Variants in ANO6 observed in about 807,000 individuals in gnomAD.
The protein encoded by ANO6 is anoctamin-6.
ANO6 carries 106 observed loss-of-function variants against 117.5 expected under a neutral mutation model. The observed-to-expected ratio is 0.90, with a 90% CI of 0.77 to 1.06. The LOEUF (loss-of-function observed/expected upper bound fraction) is 1.06, where lower values mean the gene tolerates loss of function less well. ANO6 is among the 50% of genes least tolerant of loss of function. The pLI, the probability that ANO6 is intolerant of heterozygous loss-of-function variation, is 0.00. For missense variants in ANO6, 955 were observed against 1,121.1 expected (o/e 0.85, Z 2.12); for synonymous variants, 367 against 385.1 (o/e 0.95, Z 0.55).
intron 9 of ANO6, among the ~76,000 whole-genome samples, chr12:45,374,958 T>C (rs1204934287): frequency 1.3e-5 from 2 of 151,574 alleles, no homozygotes; most frequent in African/African-American, 2.4e-5. Context: ...GAAAACCCCA[T>C]TGTCTCAGCC....
intron 1 of ANO6, among the ~76,000 whole-genome samples, chr12:45,258,466 A>T (rs1260000925): frequency 6.6e-6 from 1 of 151,906 alleles, no homozygotes; most frequent in Non-Finnish European, 1.5e-5. Context: ...TCTTTCAGTG[A>T]TTTTCACCTC....
At chr12:45,359,543 A>G (rs1363377687) in intron 8 of ANO6, among the ~76,000 whole-genome samples, 3 of 152,218 alleles carry the variant, frequency 2.0e-5, no homozygotes, top group East Asian at 3.8e-4. Context: ...GGAACTATAC[A>G]TTATAAAGCC....
In ANO6 at chr12:45,357,328, G is replaced by T; in HGVS notation, c.902G>T (p.Trp301Leu). 6.2e-7 allele frequency: 1 copy of T among 1,613,982 alleles called. No individual in the cohort carries two copies. The change falls in exon 8 of 20, where the codon TGG (tryptophan) becomes TTG (leucine). Residue 301 changes from tryptophan to leucine, a missense_variant. Transcript: ENST00000320560. ...YGEKIGIYFA[W>L]LGYYTQMLLL... ...GAGAAGATTGGAATCTACTTTGCTT[G>T]GCTGGGCTATTACACTCAGATGCTT...
At chr12:45,325,095 C>G (rs1199139497) in intron 2 of ANO6, among the ~76,000 whole-genome samples, 1 of 152,154 alleles carries the variant, frequency 6.6e-6, no homozygotes, top group East Asian at 1.9e-4. Flanking sequence ...GTTACGAAGT[C>G]AAGCTACATT....
Position 45,432,227 on chromosome 12 carries a change from T to C in ANO6, c.*2916T>C. On this transcript the variant is annotated 3_prime_UTR_variant, in exon 20 of 20. Coordinates refer to ENST00000320560, the MANE Select transcript of ANO6 (RefSeq NM_001025356.3). ...CACATTGTGGCATAAGATGTAAAGT[T>C]TGTAATTAATGTTAATTTCTGTGCA... 2 of 982,656 alleles carry C rather than the reference T, an allele frequency of 2.0e-6. No individual in the cohort carries two copies. The highest frequency in any genetic ancestry group is 2.4e-6 in the Non-Finnish European group (2 of 827,578). 60.9% of individuals were successfully genotyped at this position (982,656 alleles called of 1,614,324 possible). A position where few individuals can be genotyped will look rare whatever the true frequency, so the allele number is the denominator to read the frequency against.
intron 10 of ANO6, among the ~76,000 whole-genome samples, chr12:45,381,179 T>C (rs1942159186): frequency 6.6e-6 from 1 of 152,218 alleles, no homozygotes; most frequent in African/African-American, 2.4e-5. Flanking sequence ...CTGAAACCTT[T>C]TTATGTATAT....
At chr12:45,435,492 T>G (rs535734536), downstream of ANO6, among the ~76,000 whole-genome samples, 7 of 152,290 alleles carry the variant, frequency 4.6e-5, no homozygotes, top group African/African-American at 1.7e-4. Context: ...AAGCCACATC[T>G]TTGTCATCTG....
At chr12:45,375,189 T>A (rs954649902) in intron 9 of ANO6, among the ~76,000 whole-genome samples, 5 of 152,068 alleles carry the variant, frequency 3.3e-5, no homozygotes, top group Admixed American at 3.3e-4. Context: ...AAACCACTGC[T>A]CAAGGAAATA....
At chr12:45,254,973 A>G (rs962941562) in intron 1 of ANO6, among the ~76,000 whole-genome samples, 3 of 152,206 alleles carry the variant, frequency 2.0e-5, no homozygotes, top group Non-Finnish European at 2.9e-5. Flanking sequence ...ATATTTTATG[A>G]TTGAGAATAA....
chr12:45,328,626 CTAAATATT>C (rs901228345), intron 2 of ANO6, among the ~76,000 whole-genome samples: 60 of 152,200 alleles, frequency 3.9e-4, no homozygotes, highest in African/African-American at 1.4e-3. Flanking sequence ...TTTGAGAAAT[CTAAATATT>C]TACGTAAAGG....
At chr12:45,311,636 A>G (rs994136947) in intron 2 of ANO6, among the ~76,000 whole-genome samples, 3 of 152,084 alleles carry the variant, frequency 2.0e-5, no homozygotes, top group African/African-American at 4.8e-5. Context: ...CCATGAATAG[A>G]AGGTATATAT....
chr12:45,391,863 A>G (rs1278162504), intron 12 of ANO6, among the ~76,000 whole-genome samples: 1 of 152,172 alleles, frequency 6.6e-6, no homozygotes, highest in Non-Finnish European at 1.5e-5. Context: ...TGTCTCAAAA[A>G]AAATGTTAAA....
chr12:45,322,530 C>T (rs538532746), intron 2 of ANO6, among the ~76,000 whole-genome samples: 1 of 152,084 alleles, frequency 6.6e-6, no homozygotes, highest in African/African-American at 2.4e-5. Flanking sequence ...TTTTTGACCC[C>T]TTCTGTGACT....
intron 2 of ANO6, among the ~76,000 whole-genome samples, chr12:45,305,062 G>T (rs997762850): frequency 5.9e-5 from 9 of 152,216 alleles, no homozygotes; most frequent in Non-Finnish European, 1.3e-4. Context: ...TTTGCAGACT[G>T]AGGCAGATAA....
At chr12:45,227,676 A>T (rs1279601009) in intron 1 of ANO6, among the ~76,000 whole-genome samples, 1 of 151,992 alleles carries the variant, frequency 6.6e-6, no homozygotes, top group East Asian at 1.9e-4. Flanking sequence ...ACTCCTGATC[A>T]CTAAGTCTTT....
chr12:45,374,272 G>T (rs1469303958), intron 9 of ANO6, among the ~76,000 whole-genome samples: 5 of 86,406 alleles, frequency 5.8e-5, no homozygotes, highest in Non-Finnish European at 1.1e-4. Flanking sequence ...TCTACCAGAG[G>T]TACAAGGAGG....
intron 1 of ANO6, among the ~76,000 whole-genome samples, chr12:45,300,299 A>G (rs187677211): frequency 3.3e-5 from 5 of 151,952 alleles, no homozygotes; most frequent in South Asian, 2.1e-4. Context: ...TTCCACCTCA[A>G]CCTCCTGAGT....
At chr12:45,393,956 G>A (rs1022541736) in intron 12 of ANO6, among the ~76,000 whole-genome samples, 2 of 152,192 alleles carry the variant, frequency 1.3e-5, no homozygotes, top group Admixed American at 1.3e-4. Flanking sequence ...AGAATAAGCA[G>A]CGAATGTCAT....
chr12:45,385,040 G>A (rs927811338), intron 10 of ANO6, among the ~76,000 whole-genome samples: 59 of 152,226 alleles, frequency 3.9e-4, no homozygotes, highest in African/African-American at 1.3e-3. Flanking sequence ...TTCCCCAGGT[G>A]GTGGGGGTCC....
Sources: gnomAD v4.1 joint callset for allele counts (sites outside exome capture counted in the v4.1 genomes callset) on GRCh38, gnomAD v4.1.1 for gene constraint, MANE v1.5 for transcripts, NCBI Gene and HGNC (gene_info 2026-07-23, HGNC 2026-07-21) for gene names.